ROBO2: variants seen among roughly 807,000 people sequenced by gnomAD.
The protein encoded by ROBO2 is roundabout homolog 2.
In ROBO2, 53 loss-of-function variants were observed where a neutral mutation model predicts 160.8. That is an observed-to-expected ratio of 0.33 (90% CI 0.26 to 0.41). The LOEUF (loss-of-function observed/expected upper bound fraction) is 0.41. Ranked by LOEUF, ROBO2 falls within the 10% of genes least tolerant of loss-of-function variation. The pLI, the probability that ROBO2 is intolerant of heterozygous loss-of-function variation, is 1.00. For missense variants in ROBO2, 1,577 were observed against 1,722.4 expected, an observed-to-expected ratio of 0.92 and a Z score of 1.49; for synonymous variants, 664 against 611.7, an observed-to-expected ratio of 1.09 and a Z score of -1.26.
At position 77,030,037 on chromosome 3, in the gene ROBO2, C is replaced by G. The variant is rs1578371329; in HGVS notation, c.110-67977C>G. 2.0e-5 allele frequency among the ~76,000 whole-genome samples: 3 copies of G among 152,024 alleles called. No homozygotes were observed. In the South Asian group the frequency reaches 6.2e-4, roughly 32 times the overall value. On this transcript the variant is annotated intron_variant, in intron 2 of 26. Coordinates refer to the ROBO2 transcript ENST00000487694. ...CTCCGCTCACTGCAAGCTCCGCCTC[C>G]CAGTTCACGCCTTTCTCCTGCCTCA... is the stretch of plus-strand genomic sequence containing the variant.
intron 5 of ROBO2, among the ~76,000 whole-genome samples, chr3:77,509,162 C>T (rs938075622): frequency 2.6e-5 from 4 of 151,982 alleles, no homozygotes; most frequent in South Asian, 2.1e-4. Context: ...AGGAAAGAGT[C>T]GTTTGCTCCT....
chr3:76,524,267 A>G (rs1208743089), intron 2 of ROBO2, among the ~76,000 whole-genome samples: 1 of 151,996 alleles, frequency 6.6e-6, no homozygotes, highest in Non-Finnish European at 1.5e-5. Flanking sequence ...CTCTATTTGG[A>G]AACATTTACT....
intron 2 of ROBO2, among the ~76,000 whole-genome samples, chr3:77,110,931 C>T (rs2150177288): frequency 6.6e-6 from 1 of 152,204 alleles, no homozygotes. Flanking sequence ...TGAGCTCAAG[C>T]TATCCAACTG....
intron 2 of ROBO2, among the ~76,000 whole-genome samples, chr3:77,246,740 C>A (rs765046228): frequency 1.3e-5 from 2 of 152,148 alleles, no homozygotes; most frequent in Non-Finnish European, 2.9e-5. Flanking sequence ...TGAAAGCTAT[C>A]AAGCAAGCAA....
chr3:77,001,963 A>T (rs2061355647), intron 2 of ROBO2, among the ~76,000 whole-genome samples: 1 of 152,186 alleles, frequency 6.6e-6, no homozygotes, highest in East Asian at 1.9e-4. Context: ...AGCCCAAATC[A>T]GGAATTAATG....
chr3:76,833,250 A>G (rs2067240565), intron 2 of ROBO2, among the ~76,000 whole-genome samples: 1 of 152,180 alleles, frequency 6.6e-6, no homozygotes, highest in Non-Finnish European at 1.5e-5. Context: ...CGGACAGTAA[A>G]GACTGTCAAC....
At chr3:76,355,537 T>C (rs2108326717) in intron 2 of ROBO2, among the ~76,000 whole-genome samples, 1 of 151,942 alleles carries the variant, frequency 6.6e-6, no homozygotes, top group South Asian at 2.1e-4. Flanking sequence ...TTCTTAACTG[T>C]TACATTCTGC....
intron 2 of ROBO2, among the ~76,000 whole-genome samples, chr3:77,429,506 C>T (rs1293835607): frequency 6.6e-6 from 1 of 151,980 alleles, no homozygotes; most frequent in Non-Finnish European, 1.5e-5. Context: ...TGAGGGGAAT[C>T]TCAGGCAGTA....
intron 2 of ROBO2, among the ~76,000 whole-genome samples, chr3:76,092,421 TA>T (rs1383779973): frequency 6.6e-6 from 1 of 152,188 alleles, no homozygotes; most frequent in Non-Finnish European, 1.5e-5. Flanking sequence ...AGGAGTCTGG[TA>T]TGTCATTTTC....
chr3:75,956,492 A>G (rs1376204141), intron 2 of ROBO2, among the ~76,000 whole-genome samples: 1 of 151,742 alleles, frequency 6.6e-6, no homozygotes, highest in Admixed American at 6.6e-5. Flanking sequence ...GTTGACTATC[A>G]TTACTTTACC....
intron 2 of ROBO2, among the ~76,000 whole-genome samples, chr3:76,800,572 G>C (rs954972392): frequency 6.6e-6 from 1 of 152,170 alleles, no homozygotes; most frequent in East Asian, 1.9e-4. Flanking sequence ...GATCTGAATA[G>C]ACAGTTCTCA....
At chr3:77,097,952 T>C in intron 1 of ROBO2, 62 bp from the exon 2 acceptor site, 1 of 1,393,388 alleles carries the variant, frequency 7.2e-7, no homozygotes, top group Non-Finnish European at 9.6e-7. Context: ...GGAACCCAAG[T>C]GAAACCGAGG....
At chr3:76,085,838 C>T (rs2068994422) in intron 2 of ROBO2, among the ~76,000 whole-genome samples, 1 of 152,164 alleles carries the variant, frequency 6.6e-6, no homozygotes, top group Non-Finnish European at 1.5e-5. Context: ...AGGGCCCCCA[C>T]ACTTTTGTGC....
chr3:76,609,012 T>C (rs559275009), intron 2 of ROBO2, among the ~76,000 whole-genome samples: 1 of 152,160 alleles, frequency 6.6e-6, no homozygotes, highest in Non-Finnish European at 1.5e-5. Context: ...AGTGAGAACA[T>C]ACAGTAATTG....
Position 76,381,848 on chromosome 3 carries a change from A to G in ROBO2, c.109+444246A>G, listed in dbSNP as rs571409871. ...TATGTGTCACTGCTAATAAGTGGCCAGGTTGGATTCTCAGCCCGGTTTAAT... is the reference window on the plus strand; with the variant it reads ...TATGTGTCACTGCTAATAAGTGGCCGGGTTGGATTCTCAGCCCGGTTTAAT... On this transcript the variant is annotated intron_variant, in intron 2 of 26. Transcript: ENST00000487694. Among the ~76,000 whole-genome samples, 6 of 152,310 alleles carry G rather than the reference A, an allele frequency of 3.9e-5. No individual in the cohort carries two copies. In the East Asian group the frequency reaches 9.7e-4, roughly 25 times the overall value.
chr3:76,007,136 T>A (rs1049612978), intron 2 of ROBO2, among the ~76,000 whole-genome samples: 3 of 152,130 alleles, frequency 2.0e-5, no homozygotes, highest in Non-Finnish European at 4.4e-5. Context: ...ATTGCTTTGT[T>A]ACTTTTGTGC....
chr3:76,963,373 C>T (rs2079811852), intron 2 of ROBO2, among the ~76,000 whole-genome samples: 1 of 152,010 alleles, frequency 6.6e-6, no homozygotes, highest in South Asian at 2.1e-4. Context: ...AAATGAAAAT[C>T]TTAGAAAGCA....
rs56890342 is a variant in ROBO2 at position 75,997,499 on chromosome 3, C to CTTTTT, written c.109+59904_109+59908dup. On this transcript the variant is annotated intron_variant, in intron 2 of 26. Coordinates refer to the ROBO2 transcript ENST00000487694. The stretch of plus-strand genomic sequence containing the variant: ...AAGGCATTTGTTTTGTTCATCCATT[C>CTTTTT]TTTTTTTTTTTGAGACGGAGTCTCT... Among the ~76,000 whole-genome samples, 37 of 126,522 alleles carry CTTTTT rather than the reference C, an allele frequency of 2.9e-4. 2 individuals carry two copies. The highest frequency in any genetic ancestry group is 5.8e-4 in the Non-Finnish European group (35 of 60,854). 83.0% of individuals were successfully genotyped at this position (126,522 alleles called of 152,430 possible).
chr3:77,625,153 A>T (rs1048716196), intron 23 of ROBO2, among the ~76,000 whole-genome samples: 2 of 152,156 alleles, frequency 1.3e-5, no homozygotes, highest in Non-Finnish European at 2.9e-5. Context: ...TGAGTGGAAA[A>T]GGCTAAAAAA....
Sources: gnomAD v4.1 joint callset for allele counts (sites outside exome capture counted in the v4.1 genomes callset) on GRCh38, gnomAD v4.1.1 for gene constraint, MANE v1.5 for transcripts, NCBI Gene and HGNC (gene_info 2026-07-23, HGNC 2026-07-21) for gene names.